SPAST: variants seen among roughly 807,000 people sequenced by gnomAD.
SPAST encodes the protein spastic paraplegia 4 (autosomal dominant; spastin).
SPAST carries 30 observed loss-of-function variants against 76.6 expected under a neutral mutation model. The ratio of observed to expected loss-of-function variants is 0.39; its 90% CI spans 0.29 to 0.53. The LOEUF is 0.53. Among genes scored for constraint, SPAST ranks in the 20% least tolerant of loss-of-function variants. The probability of loss-of-function intolerance (pLI) is 0.68; values close to 1 mark genes in which losing one functional copy is unlikely to be tolerated. For synonymous variants in SPAST, 305 were observed against 281.0 expected (o/e 1.09, Z -0.86); for missense variants, 717 against 770.5 (o/e 0.93, Z 0.82).
intron 4 of SPAST, among the ~76,000 whole-genome samples, chr2:32,099,701 GATATA>G (rs1415960973): frequency 5.9e-5 from 9 of 152,104 alleles, no homozygotes; most frequent in African/African-American, 1.7e-4. Flanking sequence ...CATTTGAAAT[GATATA>G]ATATATTATA....
chr2:32,126,987 C>G lies in SPAST; in HGVS notation c.1138C>G (p.Leu380Val), dbSNP rs1679215662. 6.2e-7 allele frequency: 1 copy of G among 1,613,104 alleles called. No homozygotes were observed. Residue 380 changes from leucine to valine, a missense_variant, in exon 8 of 17, where the codon CTC (leucine) becomes GTC (valine). Transcript: ENST00000315285. ...GLRAPARGLL[L>V]FGPPGNGKTM... Reference sequence around the variant, plus strand: ...TAGAGCTCCTGCCAGAGGGCTGTTACTCTTTGGTCCACCTGGGAATGGGAA... The same window carrying G: ...TAGAGCTCCTGCCAGAGGGCTGTTAGTCTTTGGTCCACCTGGGAATGGGAA...
intron 4 of SPAST, among the ~76,000 whole-genome samples, chr2:32,108,967 T>C (rs1383608972): frequency 6.6e-6 from 1 of 151,874 alleles, no homozygotes; most frequent in African/African-American, 2.4e-5. Context: ...AGTTTCACCA[T>C]GTTGGCCAGG....
chr2:32,132,430 C>T lies in SPAST; in HGVS notation c.1245+3951C>T, dbSNP rs189694528. Among the ~76,000 whole-genome samples, 567 of 152,058 alleles carry T rather than the reference C, an allele frequency of 3.7e-3. 5 individuals are homozygous for T. The highest frequency in any genetic ancestry group is 0.013 in the African/African-American group (558 of 41,484). ...GAAAAAGAAAATTGAAATGTCTAGT[C>T]TATCATTTTGTCAGTTCTATCTAAT... On this transcript the variant is annotated intron_variant, in intron 9 of 16. Coordinates refer to ENST00000315285, the MANE Select transcript of SPAST (RefSeq NM_014946.4).
At chr2:32,109,066 G>T (rs1025581680) in intron 4 of SPAST, among the ~76,000 whole-genome samples, 4 of 147,042 alleles carry the variant, frequency 2.7e-5, no homozygotes, top group Non-Finnish European at 6.0e-5. Context: ...CTGGCTGTTG[G>T]TATACTTTAA....
At chr2:32,084,402 G>T (rs1200871231) in intron 1 of SPAST, among the ~76,000 whole-genome samples, 1 of 151,068 alleles carries the variant, frequency 6.6e-6, no homozygotes, top group Non-Finnish European at 1.5e-5. Flanking sequence ...CTGACCTCGT[G>T]ATCCACCCGT....
At chr2:32,144,522 T>C (rs1272711092) in intron 14 of SPAST, among the ~76,000 whole-genome samples, 2 of 152,180 alleles carry the variant, frequency 1.3e-5, no homozygotes, top group African/African-American at 4.8e-5. Context: ...TAACTATGGG[T>C]TTGCTGACAA....
chr2:32,098,193 C>G (rs1357188847), intron 3 of SPAST, among the ~76,000 whole-genome samples: 1 of 152,062 alleles, frequency 6.6e-6, no homozygotes, highest in Non-Finnish European at 1.5e-5. Flanking sequence ...GTGCCAGGAA[C>G]TGTGGCTCAT....
At position 32,063,998 on chromosome 2, in the gene SPAST, C is replaced by A. The variant is rs1676399509; in HGVS notation, c.167C>A (p.Pro56Gln). Residue 56 changes from proline to glutamine, a missense_variant, in exon 1 of 17, where the codon CCG becomes CAG. Pro to Gln is a moderately conservative substitution (Grantham distance 76, BLOSUM62 -1). Transcript: ENST00000315285. ...CGGAACCTGTACTATTTCTCCTACC[C>A]GCTGTTTGTAGGCTTCGCGCTGCTG... is the stretch of plus-strand genomic sequence containing the variant. Reference protein sequence around the residue: ...HKRNLYYFSYPLFVGFALLRL... With the variant: ...HKRNLYYFSYQLFVGFALLRL... 1.2e-6 allele frequency: 2 copies of A among 1,613,472 alleles called. No homozygotes were observed. The highest frequency in any genetic ancestry group is 8.5e-7 in the Non-Finnish European group (1 of 1,179,574).
At chr2:32,152,671 G>C (rs1050854093) in intron 16 of SPAST, among the ~76,000 whole-genome samples, 1 of 151,874 alleles carries the variant, frequency 6.6e-6, no homozygotes, top group Non-Finnish European at 1.5e-5. Context: ...GGCAGTGTGT[G>C]TGTTACAGTT....
At position 32,142,742 on chromosome 2, in the gene SPAST, A is replaced by C. The variant is rs115543878; in HGVS notation, c.1537-594A>C. Among the ~76,000 whole-genome samples the C allele has an allele frequency of 5.9e-3, 893 of 152,252 alleles. 11 individuals are homozygous for C. The highest frequency in any genetic ancestry group is 0.02 in the African/African-American group (835 of 41,546). Reference sequence around the variant, plus strand: ...ACGTAAAGCAGATCAGTGGGTTGTCAGGGTGAGAGTTGGGAATGAGGATTA... The same window carrying C: ...ACGTAAAGCAGATCAGTGGGTTGTCCGGGTGAGAGTTGGGAATGAGGATTA... On this transcript the variant is annotated intron_variant, in intron 13 of 16. Coordinates refer to ENST00000315285, the MANE Select transcript of SPAST (RefSeq NM_014946.4).
intron 3 of SPAST, among the ~76,000 whole-genome samples, chr2:32,093,002 G>A (rs1448802991): frequency 4.1e-5 from 5 of 122,864 alleles, no homozygotes; most frequent in African/African-American, 1.2e-4. Context: ...GAGAGACTCC[G>A]TCTCAAAAAA....
intron 4 of SPAST, among the ~76,000 whole-genome samples, chr2:32,104,304 G>A (rs1331704593): frequency 6.6e-6 from 1 of 152,002 alleles, no homozygotes; most frequent in Non-Finnish European, 1.5e-5. Flanking sequence ...CATTTGCTTG[G>A]TAGATCTTCC....
intron 4 of SPAST, among the ~76,000 whole-genome samples, chr2:32,114,396 C>A (rs1678741068): frequency 6.6e-6 from 1 of 151,878 alleles, no homozygotes; most frequent in African/African-American, 2.4e-5. Context: ...GCCCAGGCCA[C>A]AGGTTTCAAA....
In SPAST at chr2:32,154,550, A is replaced by G; in HGVS notation, c.*54A>G. On this transcript the variant is annotated 3_prime_UTR_variant, in exon 17 of 17. Coordinates refer to ENST00000315285, the MANE Select transcript of SPAST (RefSeq NM_014946.4). ...TTTTACTTAAAAGAGGAAACACAAG[A>G]TCTTCAATGAACGTCATCGGCTACA... 1 of 1,576,414 alleles carries G rather than the reference A, an allele frequency of 6.3e-7. No individual in the cohort carries two copies. The highest frequency in any genetic ancestry group is 8.7e-7 in the Non-Finnish European group (1 of 1,146,430).
At chr2:32,083,756 A>ATATTTATATATAC (rs1677348216) in intron 1 of SPAST, among the ~76,000 whole-genome samples, 1 of 48,728 alleles carries the variant, frequency 2.1e-5, no homozygotes, top group Non-Finnish European at 4.1e-5. Flanking sequence ...TATACTATAT[A>ATATTTATATATAC]TATATATATA....
At chr2:32,119,011 T>A (rs1258288215) in intron 7 of SPAST, among the ~76,000 whole-genome samples, 2 of 152,152 alleles carry the variant, frequency 1.3e-5, no homozygotes, top group Non-Finnish European at 2.9e-5. Flanking sequence ...CAGTTGCAAG[T>A]TATTTCAAAT....
chr2:32,143,126 G>A (rs1452925615), intron 13 of SPAST, among the ~76,000 whole-genome samples: 5 of 152,040 alleles, frequency 3.3e-5, no homozygotes, highest in Admixed American at 3.3e-4. Context: ...AAATTAACCA[G>A]GCATGGTGGC....
At chr2:32,127,097 T>C (rs1679220519) in intron 8 of SPAST, 75 bp downstream of exon 8, 5 of 955,054 alleles carry the variant, frequency 5.2e-6, no homozygotes, top group Non-Finnish European at 8.6e-6. Context: ...CTTTATCTTG[T>C]CCTTGAGTCT....
intron 3 of SPAST, 40 bp from the exon 4 acceptor site, chr2:32,098,756 T>C (rs772877939): frequency 3.9e-6 from 5 of 1,292,596 alleles, no homozygotes; most frequent in Non-Finnish European, 4.5e-6. Context: ...TTTTTTCTTT[T>C]TGTTTATTTT....
Sources: gnomAD v4.1 joint callset for allele counts (sites outside exome capture counted in the v4.1 genomes callset) on GRCh38, gnomAD v4.1.1 for gene constraint, MANE v1.5 for transcripts, NCBI Gene and HGNC (gene_info 2026-07-23, HGNC 2026-07-21) for gene names.